PDE1A: variants seen among roughly 807,000 people sequenced by gnomAD.
PDE1A encodes the protein phosphodiesterase 1A.
In PDE1A, 35 loss-of-function variants were observed where a neutral mutation model predicts 61.7. The observed-to-expected ratio is 0.57, with a 90% CI of 0.43 to 0.75. The LOEUF is 0.75. Among genes scored for constraint, PDE1A ranks in the 30% least tolerant of loss-of-function variants. PDE1A has a pLI of 0.00. For synonymous variants in PDE1A, 232 were observed against 213.2 expected, an observed-to-expected ratio of 1.09 and a Z score of -0.77; for missense variants, 597 against 630.6, an observed-to-expected ratio of 0.95 and a Z score of 0.57.
At chr2:182,651,253 C>A in the PDE1A span, among the ~76,000 whole-genome samples, 1 of 152,118 alleles carries the variant, frequency 6.6e-6, no homozygotes, top group Non-Finnish European at 1.5e-5. Flanking sequence ...GTGGTCCACC[C>A]GCCTTGGCCT....
At chr2:182,594,249 A>G in the PDE1A span, among the ~76,000 whole-genome samples, 7 of 152,202 alleles carry the variant, frequency 4.6e-5, no homozygotes, top group Non-Finnish European at 5.9e-5. Context: ...TTATTTCTAG[A>G]TTGCCAAATG....
chr2:182,618,319 T>C, the PDE1A span, among the ~76,000 whole-genome samples: 3 of 152,326 alleles, frequency 2.0e-5, no homozygotes, highest in Admixed American at 1.3e-4. Context: ...ATTATAATAC[T>C]CCATTCTTAT....
intron 1 of PDE1A, among the ~76,000 whole-genome samples, chr2:182,280,367 A>G (rs1207717130): frequency 1.3e-5 from 2 of 151,666 alleles, no homozygotes; most frequent in African/African-American, 2.4e-5. Flanking sequence ...CCTTGACCAC[A>G]TTTCCTGTTG....
intron 2 of PDE1A, among the ~76,000 whole-genome samples, chr2:182,437,933 A>G (rs565932461): frequency 5.3e-5 from 8 of 152,100 alleles, no homozygotes; most frequent in Admixed American, 4.6e-4. Flanking sequence ...CTGCAAATAC[A>G]GAACATTGCT....
chr2:182,609,567 C>T, the PDE1A span, among the ~76,000 whole-genome samples: 4 of 152,150 alleles, frequency 2.6e-5, no homozygotes, highest in Non-Finnish European at 4.4e-5. Context: ...CCAGACGTGC[C>T]GTCTTAAGAG....
chr2:182,566,215 T>C, the PDE1A span, among the ~76,000 whole-genome samples: 1 of 152,068 alleles, frequency 6.6e-6, no homozygotes, highest in Non-Finnish European at 1.5e-5. Flanking sequence ...CATTGAACCA[T>C]AACAAACCTT....
chr2:182,325,755 T>C (rs976343982), intron 1 of PDE1A, among the ~76,000 whole-genome samples: 1 of 151,946 alleles, frequency 6.6e-6, no homozygotes, highest in Non-Finnish European at 1.5e-5. Context: ...CCGTCTCTAC[T>C]AAAATACAAA....
chr2:182,312,539 G>C (rs1005136786), intron 1 of PDE1A, among the ~76,000 whole-genome samples: 2 of 152,058 alleles, frequency 1.3e-5, no homozygotes, highest in African/African-American at 4.8e-5. Flanking sequence ...CAATTATTGA[G>C]AGCACCATTT....
chr2:182,264,884 T>C (rs1270649163), intron 1 of PDE1A, among the ~76,000 whole-genome samples: 1 of 140,014 alleles, frequency 7.1e-6, no homozygotes, highest in Non-Finnish European at 1.5e-5. Context: ...TATACATATA[T>C]ATATATATGT....
the PDE1A span, among the ~76,000 whole-genome samples, chr2:182,700,348 G>A: frequency 9.0e-6 from 1 of 110,648 alleles, no homozygotes; most frequent in African/African-American, 4.0e-5. Flanking sequence ...GAGGTGGGTG[G>A]ATCACCTGAG....
In PDE1A at chr2:182,388,091, C is replaced by G. The variant is rs918854492; in HGVS notation, c.53+38487G>C. Reference sequence around the variant, plus strand: ...ACCTATACAAAGAGACAAAGAAGATCATTATATAATGATGGAGGGGTCAAT... The same window carrying G: ...ACCTATACAAAGAGACAAAGAAGATGATTATATAATGATGGAGGGGTCAAT... On this transcript the variant is annotated intron_variant, in intron 1 of 13. Transcript: ENST00000351439. 1.1e-4 allele frequency among the ~76,000 whole-genome samples: 17 copies of G among 152,112 alleles called. 1 individual carries two copies. In the East Asian group the frequency reaches 3.3e-3, roughly 29 times the overall value.
the PDE1A span, among the ~76,000 whole-genome samples, chr2:182,631,069 G>A: frequency 6.6e-6 from 1 of 152,060 alleles, no homozygotes; most frequent in Non-Finnish European, 1.5e-5. Context: ...TCACACAATT[G>A]TGGAAGCTGA....
At chr2:182,227,434 C>G (rs1354648578) in intron 6 of PDE1A, among the ~76,000 whole-genome samples, 1 of 151,980 alleles carries the variant, frequency 6.6e-6, no homozygotes, top group East Asian at 1.9e-4. Flanking sequence ...TCTAAAAACA[C>G]ATAATTAACA....
At chr2:182,329,958 T>C (rs1477701186) in intron 1 of PDE1A, among the ~76,000 whole-genome samples, 1 of 152,238 alleles carries the variant, frequency 6.6e-6, no homozygotes, top group Non-Finnish European at 1.5e-5. Context: ...ATAATGACTA[T>C]TTAATAAACA....
chr2:182,381,177 T>A (rs1700714459), intron 1 of PDE1A, among the ~76,000 whole-genome samples: 1 of 152,164 alleles, frequency 6.6e-6, no homozygotes, highest in South Asian at 2.1e-4. Context: ...TGTGTACTTT[T>A]TTTTTTTTTT....
intron 2 of PDE1A, among the ~76,000 whole-genome samples, chr2:182,502,024 G>A (rs761113041): frequency 5.9e-5 from 9 of 152,098 alleles, no homozygotes; most frequent in South Asian, 2.1e-4. Flanking sequence ...ATACGACACC[G>A]CTGGCAGGCC....
At chr2:182,508,968 A>AC (rs1689610158) in intron 2 of PDE1A, among the ~76,000 whole-genome samples, 3 of 127,902 alleles carry the variant, frequency 2.3e-5, no homozygotes, top group Non-Finnish European at 3.4e-5. Context: ...CCCTACCCCC[A>AC]GCCCACAACA....
chr2:182,183,249 A>T (rs1684916648), intron 13 of PDE1A, among the ~76,000 whole-genome samples: 2 of 152,206 alleles, frequency 1.3e-5, no homozygotes. Context: ...GCAAGTGTAA[A>T]ACTGGACAGC....
At chr2:182,529,868 T>G in the PDE1A span, among the ~76,000 whole-genome samples, 4 of 152,212 alleles carry the variant, frequency 2.6e-5, no homozygotes, top group African/African-American at 9.6e-5. Context: ...TCCCTAACCA[T>G]GTGGAACTGT....
Sources: gnomAD v4.1 joint callset for allele counts (sites outside exome capture counted in the v4.1 genomes callset) on GRCh38, gnomAD v4.1.1 for gene constraint, MANE v1.5 for transcripts, NCBI Gene and HGNC (gene_info 2026-07-23, HGNC 2026-07-21) for gene names.